Variants in DPY19L1 observed in about 807,000 individuals in gnomAD.
The protein encoded by DPY19L1 is protein C-mannosyl-transferase DPY19L1.
Under a neutral mutation model 96.9 loss-of-function variants are expected in DPY19L1, and 35 were observed. The ratio of observed to expected loss-of-function variants is 0.36; its 90% CI spans 0.28 to 0.48. DPY19L1 has a LOEUF of 0.48. DPY19L1 is among the 20% of genes least tolerant of loss of function. DPY19L1 has a pLI of 0.99. For synonymous variants in DPY19L1, 205 were observed against 252.6 expected, an observed-to-expected ratio of 0.81 and a Z score of 1.79; for missense variants, 521 against 777.9, an observed-to-expected ratio of 0.67 and a Z score of 3.93.
intron 1 of DPY19L1, among the ~76,000 whole-genome samples, chr7:35,019,288 A>C (rs968689504): frequency 1.3e-5 from 2 of 152,168 alleles, no homozygotes; most frequent in Non-Finnish European, 2.9e-5. Context: ...CTAGAAAGGA[A>C]ACCCAGGCCA....
intron 1 of DPY19L1, among the ~76,000 whole-genome samples, chr7:35,033,417 T>G (rs1398200587): frequency 6.6e-6 from 1 of 152,210 alleles, no homozygotes. Context: ...AGAGTCTCAT[T>G]CTACATTTTA....
chr7:34,939,241 A>G (rs1330800289), intron 20 of DPY19L1, 35 bp downstream of exon 20: 2 of 1,569,448 alleles, frequency 1.3e-6, no homozygotes, highest in Admixed American at 1.7e-5. Context: ...TTTGCATGGG[A>G]GGTTTGTTTT....
intron 12 of DPY19L1, 147 bp downstream of exon 12, chr7:34,955,161 T>C (rs1220917951): frequency 2.6e-6 from 2 of 780,320 alleles, no homozygotes; most frequent in African/African-American, 3.5e-5. Flanking sequence ...AAAGGGCAAT[T>C]TGGTACATTA....
intron 1 of DPY19L1, among the ~76,000 whole-genome samples, chr7:35,031,000 G>C (rs1442861152): frequency 6.6e-6 from 1 of 152,178 alleles, no homozygotes; most frequent in Non-Finnish European, 1.5e-5. Flanking sequence ...CCCTGGAAGA[G>C]TAATGTCTCA....
intron 14 of DPY19L1, among the ~76,000 whole-genome samples, chr7:34,948,001 C>T (rs557519025): frequency 6.6e-6 from 1 of 152,190 alleles, no homozygotes; most frequent in East Asian, 1.9e-4. Flanking sequence ...ACTTAATATT[C>T]ATCTAAGGTA....
At chr7:34,941,242 A>G (rs1319257798) in intron 18 of DPY19L1, among the ~76,000 whole-genome samples, 2 of 152,198 alleles carry the variant, frequency 1.3e-5, no homozygotes, top group African/African-American at 4.8e-5. Flanking sequence ...ACTATGGAGA[A>G]GCATAAATCT....
At chr7:35,036,883 G>A (rs1052665273) in intron 1 of DPY19L1, among the ~76,000 whole-genome samples, 3 of 151,892 alleles carry the variant, frequency 2.0e-5, no homozygotes, top group African/African-American at 7.3e-5. Flanking sequence ...TGGGAAGCGT[G>A]CGAGGAGAGC....
chr7:34,982,208 A>G (rs2128670487), intron 7 of DPY19L1, among the ~76,000 whole-genome samples: 1 of 152,352 alleles, frequency 6.6e-6, no homozygotes, highest in Non-Finnish European at 1.5e-5. Context: ...AACTATGAAA[A>G]TGAGAATATG....
rs755010584 is a variant in DPY19L1, at chr7:34,939,323, T to A, written c.1917A>T (p.Ala639=). 1 of 1,613,956 alleles carries A rather than the reference T, an allele frequency of 6.2e-7. No individual in the cohort carries two copies. Among genetic ancestry groups the A allele is most frequent in the Non-Finnish European group, 8.5e-7 (1 of 1,179,970 alleles). The change falls in exon 20 of 22, where the codon GCA becomes GCT. Residue 639 remains alanine, a synonymous_variant. Coordinates refer to ENST00000638088, the MANE Select transcript of DPY19L1 (RefSeq NM_001366673.1). The part of the protein sequence containing the change: ...MPTMASVKLS[A]LRPIVNHPHY... ...GTGGATGATTCACAATGGGCCGAAG[T>A]GCAGAGAGCTTAACACTTGCCATCG...
At chr7:35,022,767 TACAC>T (rs1426782722) in intron 1 of DPY19L1, among the ~76,000 whole-genome samples, 2 of 145,450 alleles carry the variant, frequency 1.4e-5, no homozygotes, top group Admixed American at 6.9e-5. Flanking sequence ...TATATTTTGA[TACAC>T]ACACACGCAC....
intron 1 of DPY19L1, among the ~76,000 whole-genome samples, chr7:35,027,668 TAAAA>T (rs57262214): frequency 1.4e-4 from 10 of 71,386 alleles, no homozygotes; most frequent in East Asian, 7.6e-4. Context: ...CCGTCTCTAC[TAAAA>T]AAAAAAAAAA....
intron 7 of DPY19L1, among the ~76,000 whole-genome samples, chr7:34,974,989 A>T (rs565248292): frequency 6.6e-6 from 1 of 152,142 alleles, no homozygotes; most frequent in Non-Finnish European, 1.5e-5. Flanking sequence ...CTTAATGGAT[A>T]AATGTGTGTG....
chr7:35,005,407 GGA>G (rs957772158), intron 6 of DPY19L1, among the ~76,000 whole-genome samples: 1 of 151,498 alleles, frequency 6.6e-6, no homozygotes, highest in Non-Finnish European at 1.5e-5. Flanking sequence ...CAGAGCAGTG[GGA>G]GAGGTGAATG....
chr7:35,027,190 G>C (rs1275142250), intron 1 of DPY19L1, among the ~76,000 whole-genome samples: 1 of 151,584 alleles, frequency 6.6e-6, no homozygotes, highest in African/African-American at 2.4e-5. Flanking sequence ...GGCAACAAGA[G>C]CAAAACTCCG....
At chr7:34,988,230 T>TTCC (rs889406148) in intron 7 of DPY19L1, 3 of 152,140 alleles carry the variant, frequency 2.0e-5, no homozygotes, top group Non-Finnish European at 2.9e-5. Flanking sequence ...AACAGTGGTC[T>TTCC]TCCTGGTGGT....
chr7:35,033,552 T>G (rs1786312971), intron 1 of DPY19L1, among the ~76,000 whole-genome samples: 1 of 152,196 alleles, frequency 6.6e-6, no homozygotes, highest in Admixed American at 6.5e-5. Context: ...AGACAAAGCA[T>G]TTATTATTCC....
chr7:34,979,831 C>T lies in DPY19L1; in HGVS notation c.823-6226G>A, dbSNP rs147609229. Among the ~76,000 whole-genome samples, 288 of 152,154 alleles carry T rather than the reference C, an allele frequency of 1.9e-3. 1 individual carries two copies. Among genetic ancestry groups the T allele is most frequent in the African/African-American group, 6.4e-3 (267 of 41,530 alleles). On this transcript the variant is annotated intron_variant, in intron 7 of 21. Coordinates refer to ENST00000638088, the MANE Select transcript of DPY19L1 (RefSeq NM_001366673.1). ...GAAGATTTAGTATATTCAGGAATGT[C>T]CATTCTAAATTAATCTAGAGATCCA...
At chr7:35,011,158 A>G (rs1003729959) in intron 5 of DPY19L1, among the ~76,000 whole-genome samples, 172 bp downstream of exon 5, 1 of 152,194 alleles carries the variant, frequency 6.6e-6, no homozygotes, top group East Asian at 1.9e-4. Flanking sequence ...GAAATCATGG[A>G]CATAAACCAG....
At chr7:34,985,102 T>C (rs1785019901) in intron 7 of DPY19L1, among the ~76,000 whole-genome samples, 1 of 152,056 alleles carries the variant, frequency 6.6e-6, no homozygotes. Context: ...GGTCCACAAA[T>C]TGGCAAGAAA....
Sources: allele counts gnomAD v4.1 joint callset (sites outside exome capture counted in the v4.1 genomes callset), GRCh38; gene constraint gnomAD v4.1.1; transcripts MANE v1.5; gene names NCBI Gene and HGNC (gene_info 2026-07-23, HGNC 2026-07-21).